The following PRKCZ variants were observed in gnomAD, a reference collection of about 807,000 sequenced individuals.
PRKCZ encodes protein kinase C zeta type.
A neutral mutation model predicts 79.5 loss-of-function variants in PRKCZ; 33 were observed. That is an observed-to-expected ratio of 0.41 (90% CI 0.31 to 0.55). The LOEUF is 0.55. PRKCZ is among the 20% of genes least tolerant of loss of function. The pLI is 0.19. For synonymous variants in PRKCZ, 342 were observed against 320.9 expected (o/e 1.07, Z -0.70); for missense variants, 578 against 813.5 (o/e 0.71, Z 3.52).
chr1:2,171,058 T>C (rs1187038294), intron 11 of PRKCZ, among the ~76,000 whole-genome samples: 6 of 152,202 alleles, frequency 3.9e-5, no homozygotes, highest in South Asian at 2.1e-4. Flanking sequence ...AGGCCGGGCG[T>C]GGTGGCTCAC....
chr1:2,149,500 G>A lies in PRKCZ; in HGVS notation c.687+576G>A, dbSNP rs536440233. On this transcript the variant is annotated intron_variant, in intron 8 of 17. Transcript: ENST00000378567. The surrounding 1 kb of genome is among the most constrained non-coding windows in gnomAD (Gnocchi z 4.1). Reference sequence around the variant, plus strand: ...ACTCCTTTCCAGAGCACCAACAAGTGTCACCCTCACAACTCGTGCTCCTTC... The same window carrying A: ...ACTCCTTTCCAGAGCACCAACAAGTATCACCCTCACAACTCGTGCTCCTTC... Among the ~76,000 whole-genome samples the A allele has an allele frequency of 1.3e-5, 2 of 151,580 alleles. No individual in the cohort carries two copies. Among genetic ancestry groups the A allele is most frequent in the South Asian group, 4.1e-4 (2 of 4,830 alleles).
chr1:2,116,258 C>T (rs1670736073), intron 4 of PRKCZ: 2 of 152,236 alleles, frequency 1.3e-5, no homozygotes, highest in African/African-American at 4.8e-5. Flanking sequence ...CCTGCGTTGT[C>T]GCCAGCACAG....
rs1390650160 is a variant in PRKCZ, at chr1:2,087,509, C to T, written c.334+27918C>T. 2.0e-5 allele frequency among the ~76,000 whole-genome samples: 3 copies of T among 152,266 alleles called. No individual in the cohort carries two copies. In the East Asian group the frequency reaches 5.8e-4, roughly 29 times the overall value. The stretch of plus-strand genomic sequence containing the variant: ...CACCTGTGGATGGCATCCCGAGGTG[C>T]CAGGCGAACCCTGGGGCTTCTGTGT... On this transcript the variant is annotated intron_variant, in intron 4 of 17. Coordinates refer to ENST00000378567, the MANE Select transcript of PRKCZ (RefSeq NM_002744.6).
In PRKCZ at chr1:2,168,114, T is replaced by G. The variant is rs1683691875; in HGVS notation, c.975-1404T>G. ...CTCTTTCTGTCATTGCTATTTTGTT[T>G]ATACCGGGGATTGGCAAACTTTTTC... On this transcript the variant is annotated intron_variant, in intron 10 of 17. Transcript: ENST00000378567. This position sits in a 1 kb window ranked among gnomAD's most constrained non-coding sequence, Gnocchi z 4.7. Among the ~76,000 whole-genome samples, 1 of 152,132 alleles carries G rather than the reference T, an allele frequency of 6.6e-6. No individual in the cohort carries two copies. The highest frequency in any genetic ancestry group is 2.1e-4 in the South Asian group (1 of 4,830).
At chr1:2,152,260 C>T (rs1680044978) in intron 9 of PRKCZ, among the ~76,000 whole-genome samples, 2 of 152,192 alleles carry the variant, frequency 1.3e-5, no homozygotes, top group Middle Eastern at 6.8e-3. Context: ...GGGCCGGGCG[C>T]GGTGGCTCAC....
chr1:2,057,808 G>A (rs756868387), intron 3 of PRKCZ, among the ~76,000 whole-genome samples: 3 of 151,756 alleles, frequency 2.0e-5, no homozygotes, highest in Admixed American at 6.6e-5. Flanking sequence ...AGATATAAGC[G>A]ATTGTCCTGC....
intron 1 of PRKCZ, among the ~76,000 whole-genome samples, chr1:2,054,625 G>T (rs998720633): frequency 6.6e-6 from 1 of 151,878 alleles, no homozygotes; most frequent in African/African-American, 2.4e-5. Context: ...CGGACCCAGT[G>T]CCCACTCCGG....
At chr1:2,112,519 C>CT (rs1419155376) in intron 4 of PRKCZ, among the ~76,000 whole-genome samples, 1 of 152,206 alleles carries the variant, frequency 6.6e-6, no homozygotes, top group Non-Finnish European at 1.5e-5. Context: ...GCATGGGGGA[C>CT]TGTGGGGTGC....
intron 3 of PRKCZ, among the ~76,000 whole-genome samples, chr1:2,057,492 G>C (rs1046671803): frequency 2.0e-5 from 3 of 152,234 alleles, no homozygotes; most frequent in Non-Finnish European, 4.4e-5. Flanking sequence ...ATTTCTGACA[G>C]ATCCATCATT....
chr1:2,111,255 T>C (rs1669689759), intron 4 of PRKCZ, among the ~76,000 whole-genome samples: 1 of 151,500 alleles, frequency 6.6e-6, no homozygotes, highest in African/African-American at 2.4e-5. Flanking sequence ...AGAGAAGGTG[T>C]CTTTGGACCA....
In PRKCZ at chr1:2,163,871, C is replaced by A. The variant is rs565977191; in HGVS notation, c.975-5647C>A. Among the ~76,000 whole-genome samples, 2 of 151,978 alleles carry A rather than the reference C, an allele frequency of 1.3e-5. 1 individual carries two copies. Among genetic ancestry groups the A allele is most frequent in the Non-Finnish European group, 2.9e-5 (2 of 67,992 alleles). On this transcript the variant is annotated intron_variant, in intron 10 of 17. Coordinates refer to ENST00000378567, the MANE Select transcript of PRKCZ (RefSeq NM_002744.6). ...CGGAGATTGCACCACTGCACTCCAACCTGGGCGAGAGAGCGAGACTCCATC... is the reference window on the plus strand; with the variant it reads ...CGGAGATTGCACCACTGCACTCCAAACTGGGCGAGAGAGCGAGACTCCATC...
intron 4 of PRKCZ, among the ~76,000 whole-genome samples, chr1:2,102,219 T>C (rs1409718736): frequency 1.3e-5 from 2 of 151,992 alleles, no homozygotes; most frequent in African/African-American, 2.4e-5. Context: ...CAGCCCTGTG[T>C]CCTGCCCAGG....
chr1:2,074,997 G>A (rs766364585), intron 4 of PRKCZ: 1 of 152,272 alleles, frequency 6.6e-6, no homozygotes, highest in South Asian at 2.1e-4. Context: ...TCCCTCTCGG[G>A]GGGTGCTGGC....
At chr1:2,175,340 C>G in intron 16 of PRKCZ, 27 bp downstream of exon 16, 1 of 1,580,816 alleles carries the variant, frequency 6.3e-7, no homozygotes, top group Non-Finnish European at 8.7e-7. Context: ...CCTATTTGCA[C>G]CCCCATCCCC....
chr1:2,155,788 AATG>A (rs550138615), intron 9 of PRKCZ, among the ~76,000 whole-genome samples: 242 of 147,838 alleles, frequency 1.6e-3, no homozygotes, highest in Non-Finnish European at 2.4e-3. Flanking sequence ...TGACAGTGAC[AATG>A]ATGATGATGG....
At chr1:2,072,742 G>T (rs975142440) in intron 4 of PRKCZ, among the ~76,000 whole-genome samples, 2 of 152,274 alleles carry the variant, frequency 1.3e-5, no homozygotes, top group Non-Finnish European at 2.9e-5. Context: ...TCCCTCCAGG[G>T]TCAGCAGGGC....
At chr1:2,120,394 G>C (rs976083510) in intron 4 of PRKCZ, among the ~76,000 whole-genome samples, 1 of 126,134 alleles carries the variant, frequency 7.9e-6, no homozygotes, top group Admixed American at 1.1e-4. Flanking sequence ...CCACCTCCCC[G>C]GTTCAAGTGA....
intron 10 of PRKCZ, among the ~76,000 whole-genome samples, chr1:2,166,674 AGCCCCC>A (rs1338347409): frequency 6.7e-6 from 1 of 149,726 alleles, no homozygotes; most frequent in Admixed American, 6.6e-5. Context: ...GGGCAGCCTC[AGCCCCC>A]CCCAGGCCAC....
chr1:2,053,466 A>G (rs1158527178), intron 1 of PRKCZ, among the ~76,000 whole-genome samples: 1 of 152,162 alleles, frequency 6.6e-6, no homozygotes, highest in African/African-American at 2.4e-5. Flanking sequence ...GCTGAGGCCA[A>G]CAGAGACGCA....
Sources: allele counts gnomAD v4.1 joint callset (sites outside exome capture counted in the v4.1 genomes callset), GRCh38; gene constraint gnomAD v4.1.1; non-coding constraint Gnocchi (gnomAD v3.1); transcripts MANE v1.5; gene names NCBI Gene and HGNC (gene_info 2026-07-23, HGNC 2026-07-21).